The following NUDCD1 variants were observed in gnomAD, a reference collection of about 807,000 sequenced individuals.
NUDCD1 encodes nudC domain-containing protein 1.
In NUDCD1, 60 loss-of-function variants were observed where a neutral mutation model predicts 67.8. That is an observed-to-expected ratio of 0.88 (90% confidence interval 0.72 to 1.10). NUDCD1 has a LOEUF of 1.10. Ranked by LOEUF, NUDCD1 falls within the 50% of genes least tolerant of loss-of-function variation. The probability of loss-of-function intolerance (pLI) is 0.00; values close to 1 mark genes in which losing one functional copy is unlikely to be tolerated. For synonymous variants in NUDCD1, 244 were observed against 230.8 expected (o/e 1.06, Z -0.52); for missense variants, 643 against 695.0 (o/e 0.93, Z 0.84).
chr8:109,302,207 A>G (rs901453420), intron 2 of NUDCD1, among the ~76,000 whole-genome samples: 8 of 152,102 alleles, frequency 5.3e-5, no homozygotes, highest in Non-Finnish European at 7.4e-5. Context: ...ATACAAACTA[A>G]ACAATGATTC....
intron 2 of NUDCD1, among the ~76,000 whole-genome samples, chr8:109,319,255 G>C (rs1554617868): frequency 6.6e-6 from 1 of 152,152 alleles, no homozygotes; most frequent in Non-Finnish European, 1.5e-5. Flanking sequence ...TTACAGGCGT[G>C]AGCCACCGCG....
chr8:109,245,443 T>A lies in NUDCD1; in HGVS notation c.1338A>T (p.Ile446=). 9 of 1,613,642 alleles carry A rather than the reference T, an allele frequency of 5.6e-6. No homozygotes were observed. Among genetic ancestry groups the A allele is most frequent in the Non-Finnish European group, 7.6e-6 (9 of 1,179,840 alleles). Residue 446 remains isoleucine (I), a synonymous_variant, in exon 9 of 10, where the codon ATA becomes ATT. Coordinates refer to ENST00000239690, the MANE Select transcript of NUDCD1 (RefSeq NM_032869.4). ...AGCAGGGCATTTCTTTAGGATCCAC[T>A]ATGACAGAGAAAAGGTACTGGTTGC... ...LGSNQYLFSV[I]VDPKEMPCFC...
intron 1 of NUDCD1, among the ~76,000 whole-genome samples, chr8:109,330,288 G>A (rs1210907319): frequency 6.6e-6 from 1 of 152,152 alleles, no homozygotes; most frequent in African/African-American, 2.4e-5. Flanking sequence ...CATTATTTAA[G>A]ACAAGAGAAT....
chr8:109,307,149 A>T (rs1254836275), intron 2 of NUDCD1, among the ~76,000 whole-genome samples: 2 of 152,208 alleles, frequency 1.3e-5, no homozygotes, highest in Non-Finnish European at 2.9e-5. Flanking sequence ...GCCTTAACTG[A>T]TGACATTCCA....
chr8:109,315,724 T>G (rs1197399821), intron 2 of NUDCD1: 1 of 152,158 alleles, frequency 6.6e-6, no homozygotes, highest in Non-Finnish European at 1.5e-5. Context: ...TAAAATATAT[T>G]TATATGCCTT....
In NUDCD1 at chr8:109,241,928, T is replaced by C. The variant is rs67919153; in HGVS notation, c.*1081A>G. The C allele has an allele frequency of 0.13, 51,211 of 395,054 alleles. 3,554 individuals carry two copies. Among genetic ancestry groups the C allele is most frequent in the Middle Eastern group, 0.23 (364 of 1,572 alleles). The allele number at this position is 395,054 out of a possible 1,614,324, so 24.5% of individuals were successfully genotyped here. On this transcript the variant is annotated 3_prime_UTR_variant, in exon 10 of 10. Transcript: ENST00000239690. ...AAAGTAATAAAAATTTCCAGGTACA[T>C]ACATACTAAAACAAACCTGGAAAGG... is the stretch of plus-strand genomic sequence containing the variant.
chr8:109,332,611 A>G (rs980039209), intron 1 of NUDCD1, among the ~76,000 whole-genome samples: 2 of 152,184 alleles, frequency 1.3e-5, no homozygotes, highest in East Asian at 3.9e-4. Flanking sequence ...CAATGAGCCC[A>G]ACTAGGACTA....
At chr8:109,306,249 G>A (rs969213728) in intron 2 of NUDCD1, among the ~76,000 whole-genome samples, 3 of 152,080 alleles carry the variant, frequency 2.0e-5, no homozygotes, top group African/African-American at 7.2e-5. Context: ...GATGCTCTTT[G>A]CTGACAGGTT....
intron 8 of NUDCD1, among the ~76,000 whole-genome samples, chr8:109,270,180 T>C (rs1487345698): frequency 6.7e-6 from 1 of 148,684 alleles, no homozygotes; most frequent in Non-Finnish European, 1.5e-5. Context: ...ATAAAAAACA[T>C]TCCAAAATAT....
intron 2 of NUDCD1, among the ~76,000 whole-genome samples, chr8:109,297,164 C>A (rs1315492889): frequency 6.6e-6 from 1 of 152,140 alleles, no homozygotes; most frequent in Non-Finnish European, 1.5e-5. Flanking sequence ...ATGCAGTAAT[C>A]TAGTTTTCAT....
chr8:109,298,778 A>G (rs1470698915), intron 2 of NUDCD1: 1 of 152,188 alleles, frequency 6.6e-6, no homozygotes, highest in East Asian at 1.9e-4. Context: ...TGCAGCTCCA[A>G]CTCTGATGGA....
chr8:109,263,054 C>CAAAAAAAAAAA (rs59659347), intron 8 of NUDCD1, among the ~76,000 whole-genome samples: 7 of 42,008 alleles, frequency 1.7e-4, no homozygotes, highest in East Asian at 2.2e-3. Context: ...GACTCTGTCT[C>CAAAAAAAAAAA]AAAAAAAAAA....
At position 109,289,791 on chromosome 8, in the gene NUDCD1, A is replaced by C. The variant is rs1248490297; in HGVS notation, c.783T>G (p.Leu261=). ...ATATGTCTTCATCCATATTTTCTTC[A>C]AGATCTTGACCAGCCTGAACAAATG... is the stretch of plus-strand genomic sequence containing the variant. ...SLTFVQAGQD[L]EENMDEDISE... is the part of the protein sequence containing the mutation. Residue 261 remains leucine (L), a synonymous_variant, in exon 5 of 10, where the codon CTT becomes CTG. Coordinates refer to ENST00000239690, the MANE Select transcript of NUDCD1 (RefSeq NM_032869.4). The C allele has an allele frequency of 1.3e-6, 2 of 1,558,184 alleles. No homozygotes were observed. The highest frequency in any genetic ancestry group is 1.8e-6 in the Non-Finnish European group (2 of 1,139,128).
chr8:109,271,829 A>C (rs1397556887), intron 7 of NUDCD1, among the ~76,000 whole-genome samples: 2 of 152,206 alleles, frequency 1.3e-5, no homozygotes, highest in African/African-American at 4.8e-5. Context: ...AAAGATGTAA[A>C]AGACAGCTGA....
intron 8 of NUDCD1, among the ~76,000 whole-genome samples, chr8:109,251,004 T>C (rs1021722697): frequency 1.3e-5 from 2 of 152,164 alleles, no homozygotes; most frequent in African/African-American, 4.8e-5. Context: ...AAGTGTTCCT[T>C]TCTCTTCAAC....
intron 2 of NUDCD1, among the ~76,000 whole-genome samples, chr8:109,320,196 G>C (rs1166483947): frequency 6.6e-6 from 1 of 152,068 alleles, no homozygotes; most frequent in Non-Finnish European, 1.5e-5. Flanking sequence ...CAACCGGTCT[G>C]ACCAAAATTT....
At chr8:109,285,262 G>GA (rs1372921958) in intron 5 of NUDCD1, among the ~76,000 whole-genome samples, 17 of 145,040 alleles carry the variant, frequency 1.2e-4, no homozygotes, top group Non-Finnish European at 2.1e-4. Flanking sequence ...CAATTCTACT[G>GA]AAACTATTCC....
At chr8:109,243,378 T>A (rs1813421068) in intron 9 of NUDCD1, 77 bp from the exon 10 acceptor site, 1 of 1,172,172 alleles carries the variant, frequency 8.5e-7, no homozygotes, top group African/African-American at 1.5e-5. Flanking sequence ...TAACATTTAA[T>A]ATTTTGCAAT....
rs1813417419 is a variant in NUDCD1, at chr8:109,243,290, C to T, written c.1471G>A (p.Ala491Thr). 1.3e-6 allele frequency: 2 copies of T among 1,587,834 alleles called. No individual in the cohort carries two copies. Among genetic ancestry groups the T allele is most frequent in the Non-Finnish European group, 1.7e-6 (2 of 1,161,494 alleles). ...AAAAATTTTTTGTCTCTCTTTGATG[C>T]TTGGACATAGCCTGCCAAGAATATG... Reference protein sequence around the residue: ...ATFNALGYVQASKRDKKFFAC... With the variant: ...ATFNALGYVQTSKRDKKFFAC... Residue 491 changes from alanine (A) to threonine (T), a missense_variant, in exon 10 of 10, where the codon GCA (alanine) becomes ACA (threonine). By Grantham distance (58) the Ala-to-Thr change is moderately conservative (BLOSUM62 0). Coordinates refer to ENST00000239690, the MANE Select transcript of NUDCD1 (RefSeq NM_032869.4).
Sources: gnomAD v4.1 joint callset for allele counts (sites outside exome capture counted in the v4.1 genomes callset) on GRCh38, gnomAD v4.1.1 for gene constraint, MANE v1.5 for transcripts, NCBI Gene and HGNC (gene_info 2026-07-23, HGNC 2026-07-21) for gene names.